NME7: variants seen among roughly 807,000 people sequenced by gnomAD.
NME7 encodes the protein nucleoside diphosphate kinase 7.
In NME7, 41 loss-of-function variants were observed where a neutral mutation model predicts 49.1. That is an observed-to-expected ratio of 0.83 (90% CI 0.65 to 1.08). The LOEUF (loss-of-function observed/expected upper bound fraction) is 1.08, where lower values mean the gene tolerates loss of function less well. NME7 is among the 50% of genes least tolerant of loss of function. NME7 has a pLI of 0.00. For synonymous variants in NME7, 139 were observed against 150.6 expected (o/e 0.92, Z 0.56); for missense variants, 423 against 463.4 (o/e 0.91, Z 0.80).
rs1319780746 is a variant in NME7 at position 169,175,076 on chromosome 1, T to C, written c.991-5522A>G. ...AACACATTGTACAGCTGTACAAAAATCTTTTCTTTCTTTACATCATTATTC... is the reference window on the plus strand; with the variant it reads ...AACACATTGTACAGCTGTACAAAAACCTTTTCTTTCTTTACATCATTATTC... On this transcript the variant is annotated intron_variant, in intron 10 of 11. Transcript: ENST00000367811. Among the ~76,000 whole-genome samples, 5 of 152,152 alleles carry C rather than the reference T, an allele frequency of 3.3e-5. No homozygotes were observed. In the South Asian group the frequency reaches 1.0e-3, roughly 31 times the overall value.
intron 11 of NME7, among the ~76,000 whole-genome samples, chr1:169,137,172 G>A (rs907559882): frequency 6.6e-6 from 1 of 152,116 alleles, no homozygotes; most frequent in Non-Finnish European, 1.5e-5. Flanking sequence ...AACTCACTTG[G>A]GCCCCTTACA....
Position 169,282,543 on chromosome 1 carries a change from G to T in NME7, c.754+4760C>A, listed in dbSNP as rs1650065364. On this transcript the variant is annotated intron_variant, in intron 7 of 11. Coordinates refer to ENST00000367811, the MANE Select transcript of NME7 (RefSeq NM_013330.5). ...CTAGTTCTTTCAATTTTGATGTTAGGGTATCAATTTTAGATCTTTCCTGCT... is the reference window on the plus strand; with the variant it reads ...CTAGTTCTTTCAATTTTGATGTTAGTGTATCAATTTTAGATCTTTCCTGCT... Among the ~76,000 whole-genome samples, 3 of 151,756 alleles carry T rather than the reference G, an allele frequency of 2.0e-5. No homozygotes were observed. The South Asian group carries it at 6.3e-4, about 32-fold the overall frequency.
chr1:169,170,126 G>T (rs962061315), intron 10 of NME7, among the ~76,000 whole-genome samples: 7 of 152,208 alleles, frequency 4.6e-5, no homozygotes, highest in Non-Finnish European at 8.8e-5. Context: ...TAATTATTGA[G>T]ATCTGTATGT....
chr1:169,247,206 CTG>C (rs1208049506), intron 7 of NME7: 33 of 395,480 alleles, frequency 8.3e-5, no homozygotes, highest in South Asian at 5.8e-4. Flanking sequence ...AAACTGAAAA[CTG>C]TGTAAGATTG....
rs771263015 is a variant in NME7 at position 169,264,834 on chromosome 1, T to C, written c.754+22469A>G. 6.0e-5 allele frequency among the ~76,000 whole-genome samples: 8 copies of C among 132,870 alleles called. 3 individuals are homozygous for C. The highest frequency in any genetic ancestry group is 1.2e-4 in the Non-Finnish European group (7 of 56,422). 87.2% of individuals were successfully genotyped at this position (132,870 alleles called of 152,430 possible). On this transcript the variant is annotated intron_variant, in intron 7 of 11. Transcript: ENST00000367811. Reference sequence around the variant, plus strand: ...TTTCATTATCACATGTATTAGTCCGTACTCATGCTGCTAATAAAGACATAT... The same window carrying C: ...TTTCATTATCACATGTATTAGTCCGCACTCATGCTGCTAATAAAGACATAT...
chr1:169,219,324 G>A (rs998669769), intron 10 of NME7, among the ~76,000 whole-genome samples: 3 of 152,170 alleles, frequency 2.0e-5, no homozygotes, highest in East Asian at 1.9e-4. Context: ...AATTTGCCAT[G>A]TGCTAAGTAC....
intron 3 of NME7, among the ~76,000 whole-genome samples, chr1:169,319,355 A>G (rs1045489481): frequency 6.6e-6 from 1 of 152,222 alleles, no homozygotes; most frequent in Non-Finnish European, 1.5e-5. Context: ...ATAAGTCTAG[A>G]AAACATATAA....
intron 10 of NME7, among the ~76,000 whole-genome samples, chr1:169,216,909 A>C (rs548943808): frequency 6.6e-6 from 1 of 152,324 alleles, no homozygotes; most frequent in African/African-American, 2.4e-5. Flanking sequence ...GAAGAATAAC[A>C]GATTTTTTTT....
intron 11 of NME7, among the ~76,000 whole-genome samples, chr1:169,133,928 G>GCTATAAGGT (rs1365696615): frequency 1.3e-5 from 2 of 152,234 alleles, no homozygotes; most frequent in Admixed American, 6.5e-5. Flanking sequence ...TTTTAAGGCT[G>GCTATAAGGT]CTATAAGGTC....
intron 1 of NME7, among the ~76,000 whole-genome samples, chr1:169,337,929 G>C (rs1652543879): frequency 6.6e-6 from 1 of 152,070 alleles, no homozygotes; most frequent in African/African-American, 2.4e-5. Context: ...AACCAGTTTT[G>C]AGCCTGTCCA....
intron 11 of NME7, among the ~76,000 whole-genome samples, chr1:169,133,860 T>TG (rs1658337783): frequency 6.6e-6 from 1 of 152,172 alleles, no homozygotes; most frequent in Non-Finnish European, 1.5e-5. Flanking sequence ...AATAAGGGAA[T>TG]GGGGCTTTAG....
At chr1:169,276,708 T>A (rs902895950) in intron 7 of NME7, among the ~76,000 whole-genome samples, 2 of 133,302 alleles carry the variant, frequency 1.5e-5, no homozygotes, top group African/African-American at 5.1e-5. Context: ...CTGATCTTAG[T>A]TATTTCTTGC....
chr1:169,273,111 A>G lies in NME7; in HGVS notation c.754+14192T>C, dbSNP rs542625888. 2.2e-5 allele frequency among the ~76,000 whole-genome samples: 3 copies of G among 133,490 alleles called. 1 individual carries two copies. The highest frequency in any genetic ancestry group is 7.4e-5 in the Admixed American group (1 of 13,536). 87.6% of individuals were successfully genotyped at this position (133,490 alleles called of 152,430 possible). On this transcript the variant is annotated intron_variant, in intron 7 of 11. Coordinates refer to ENST00000367811, the MANE Select transcript of NME7 (RefSeq NM_013330.5). The stretch of plus-strand genomic sequence containing the variant: ...TCTAAGTTACATGTGCAGAATGTGC[A>G]GTTTTGTTACATAGGTATACACGTG...
At chr1:169,170,711 TCG>T (rs1659559547) in intron 10 of NME7, among the ~76,000 whole-genome samples, 1 of 152,098 alleles carries the variant, frequency 6.6e-6, no homozygotes, top group African/African-American at 2.4e-5. Context: ...GGTCAGGAGT[TCG>T]AGACCAGCCT....
intron 3 of NME7, among the ~76,000 whole-genome samples, chr1:169,317,415 A>T (rs1651686981): frequency 6.6e-6 from 1 of 152,220 alleles, no homozygotes; most frequent in African/African-American, 2.4e-5. Flanking sequence ...TCATTGTATT[A>T]TTTGGGAGGC....
At chr1:169,154,543 C>G (rs964914663) in intron 11 of NME7, among the ~76,000 whole-genome samples, 11 of 152,144 alleles carry the variant, frequency 7.2e-5, no homozygotes, top group Admixed American at 6.5e-4. Flanking sequence ...CACGGTGGCT[C>G]ACACCTGTAA....
At chr1:169,294,041 G>A (rs1650616778) in intron 6 of NME7, among the ~76,000 whole-genome samples, 1 of 151,842 alleles carries the variant, frequency 6.6e-6, no homozygotes, top group Non-Finnish European at 1.5e-5. Flanking sequence ...ATTACATCCA[G>A]TACAAATTAC....
chr1:169,278,869 A>G (rs1442670744), intron 7 of NME7, among the ~76,000 whole-genome samples: 1 of 151,914 alleles, frequency 6.6e-6, no homozygotes, highest in Non-Finnish European at 1.5e-5. Context: ...TTTGGTGTGG[A>G]TGTTCTTTCT....
chr1:169,309,078 T>G (rs1174386059), intron 4 of NME7, among the ~76,000 whole-genome samples: 2 of 152,164 alleles, frequency 1.3e-5, no homozygotes, highest in Non-Finnish European at 2.9e-5. Flanking sequence ...CAAGCACTGG[T>G]GTTATAAAAG....
Sources: gnomAD v4.1 joint callset for allele counts (sites outside exome capture counted in the v4.1 genomes callset) on GRCh38, gnomAD v4.1.1 for gene constraint, MANE v1.5 for transcripts, NCBI Gene and HGNC (gene_info 2026-07-23, HGNC 2026-07-21) for gene names.